ICE1: variants seen among roughly 807,000 people sequenced by gnomAD.
The protein encoded by ICE1 is little elongation complex subunit 1.
Under a neutral mutation model 192.7 loss-of-function variants are expected in ICE1, and 64 were observed. The ratio of observed to expected loss-of-function variants is 0.33; its 90% CI spans 0.27 to 0.41. The LOEUF is 0.41. Ranked by LOEUF, ICE1 falls within the 10% of genes least tolerant of loss-of-function variation. ICE1 has a pLI of 1.00. For synonymous variants in ICE1, 1,010 were observed against 984.5 expected, an observed-to-expected ratio of 1.03 and a Z score of -0.49; for missense variants, 2,708 against 2,696.0, an observed-to-expected ratio of 1.00 and a Z score of -0.10.
At chr5:5,452,653 A>C (rs1738458218) in intron 10 of ICE1, among the ~76,000 whole-genome samples, 1 of 152,122 alleles carries the variant, frequency 6.6e-6, no homozygotes, top group South Asian at 2.1e-4. Context: ...ATGGAAGAGC[A>C]CAAGCAGATG....
At chr5:5,454,460 C>A in intron 10 of ICE1, 92 bp from the exon 11 acceptor site, 1 of 776,254 alleles carries the variant, frequency 1.3e-6, no homozygotes. Context: ...TTTTCTAAGT[C>A]CCTAATAAAC....
At chr5:5,458,706 T>G (rs1738658629) in intron 12 of ICE1, among the ~76,000 whole-genome samples, 1 of 152,106 alleles carries the variant, frequency 6.6e-6, no homozygotes, top group South Asian at 2.1e-4. Context: ...GAGTTCCTAC[T>G]TTATCCTGAA....
At position 5,489,240 on chromosome 5, in the gene ICE1, T is replaced by A. The variant is rs2111411269; in HGVS notation, c.6711T>A (p.Ala2237=). The A allele has an allele frequency of 6.2e-7, 1 of 1,613,978 alleles. No homozygotes were observed. The highest frequency in any genetic ancestry group is 2.2e-5 in the East Asian group (1 of 44,882). ...NPAEISKILE[A]WRREASKSVP... is the part of the protein sequence containing the mutation. ...CAGAAATTTCCAAGATCCTGGAAGC[T>A]TGGCGGAGAGAGGCCTCCAAAAGCG... is the stretch of plus-strand genomic sequence containing the variant. The change falls in exon 19 of 19, where the codon GCT becomes GCA. Residue 2237 remains alanine, a synonymous_variant. Transcript: ENST00000296564.
In ICE1 at chr5:5,489,426, A is replaced by G; in HGVS notation, c.*96A>G. On this transcript the variant is annotated 3_prime_UTR_variant, in exon 19 of 19. Coordinates refer to ENST00000296564, the MANE Select transcript of ICE1 (RefSeq NM_015325.3). ...GAATACAAAGGGAGGTTTCAAAACA[A>G]AAAGACATAAAATAGATAAAACAGA... 5 of 1,101,198 alleles carry G rather than the reference A, an allele frequency of 4.5e-6. No homozygotes were observed. The highest frequency in any genetic ancestry group is 6.3e-6 in the Non-Finnish European group (5 of 787,720). The allele number at this position is 1,101,198 out of a possible 1,614,324, so 68.2% of individuals were successfully genotyped here. A position where few individuals can be genotyped will look rare whatever the true frequency, so the allele number is the denominator to read the frequency against.
rs1392723427 is a variant in ICE1 at position 5,464,923 on chromosome 5, T to A, written c.5589T>A (p.Thr1863=). The A allele has an allele frequency of 1.2e-6, 2 of 1,613,556 alleles. No homozygotes were observed. The highest frequency in any genetic ancestry group is 1.7e-6 in the Non-Finnish European group (2 of 1,179,706). ...GSPEPETRGV[T]AEGIHKNLPG... is the part of the protein sequence containing the mutation. ...CAGAACCAGAAACCAGGGGAGTCAC[T>A]GCAGAAGGAATCCACAAAAACCTCC... The change falls in exon 13 of 19, where the codon ACT becomes ACA. Residue 1863 remains threonine (T), a synonymous_variant. Transcript: ENST00000296564. This position sits in a 1 kb window ranked among gnomAD's most constrained non-coding sequence, Gnocchi z 4.0.
At position 5,460,647 on chromosome 5, in the gene ICE1, C is replaced by T; in HGVS notation, c.1313C>T (p.Thr438Ile). 4.3e-6 allele frequency: 7 copies of T among 1,613,844 alleles called. No homozygotes were observed. The highest frequency in any genetic ancestry group is 5.9e-6 in the Non-Finnish European group (7 of 1,179,838). ...ALNTWEVNKV[T>I]TSGLETFTAT... is the part of the protein sequence containing the mutation. ...AATACATGGGAAGTAAATAAAGTGA[C>T]AACTTCTGGACTCGAGACTTTCACA... The change falls in exon 13 of 19, where the codon ACA becomes ATA. Residue 438 changes from threonine to isoleucine, a missense_variant. Coordinates refer to ENST00000296564, the MANE Select transcript of ICE1 (RefSeq NM_015325.3).
At chr5:5,471,860 TTCC>T (rs897812917) in intron 15 of ICE1, among the ~76,000 whole-genome samples, 3 of 152,172 alleles carry the variant, frequency 2.0e-5, no homozygotes, top group Non-Finnish European at 4.4e-5. Flanking sequence ...TTCAAGGTGG[TTCC>T]TCCTCCAACT....
At chr5:5,426,447 CAAA>C (rs569904155) in intron 1 of ICE1, among the ~76,000 whole-genome samples, 6 of 69,092 alleles carry the variant, frequency 8.7e-5, no homozygotes, top group Admixed American at 1.7e-4. Context: ...GACTCCGTCT[CAAA>C]AAAAAAAAAA....
At chr5:5,465,668 T>C (rs1738963007) in intron 13 of ICE1, among the ~76,000 whole-genome samples, 1 of 152,200 alleles carries the variant, frequency 6.6e-6, no homozygotes, top group Non-Finnish European at 1.5e-5. Context: ...ATTAGGACTT[T>C]TATAGTTCTA....
At chr5:5,479,923 CTG>C in intron 17 of ICE1, among the ~76,000 whole-genome samples, 1 of 152,014 alleles carries the variant, frequency 6.6e-6, no homozygotes, top group Middle Eastern at 3.4e-3. Flanking sequence ...ACATCACACA[CTG>C]GGGCCTGTCG....
chr5:5,422,853 A>G lies in ICE1; in HGVS notation c.-63A>G. On this transcript the variant is annotated 5_prime_UTR_variant, in exon 1 of 19. Coordinates refer to ENST00000296564, the MANE Select transcript of ICE1 (RefSeq NM_015325.3). ...CGGCCCCGGCGGCATCAGCAGAGAC[A>G]GGACGGGGCCGACGCCGCGGGCCCC... The G allele has an allele frequency of 8.5e-7, 1 of 1,180,364 alleles. No individual in the cohort carries two copies. The highest frequency in any genetic ancestry group is 1.1e-6 in the Non-Finnish European group (1 of 936,732). 73.1% of individuals were successfully genotyped at this position (1,180,364 alleles called of 1,614,324 possible).
rs770323070 is a variant in ICE1 at position 5,463,268 on chromosome 5, T to C, written c.3934T>C (p.Ser1312Pro). ...KSPFRETTGSSSHASEPTPQA... is the reference protein window; with the variant it reads ...KSPFRETTGSPSHASEPTPQA... Reference sequence around the variant, plus strand: ...TCCATTTCGGGAAACGACTGGCTCCTCATCACATGCTTCAGAACCAACCCC... The same window carrying C: ...TCCATTTCGGGAAACGACTGGCTCCCCATCACATGCTTCAGAACCAACCCC... Residue 1312 changes from serine (S) to proline (P), a missense_variant, in exon 13 of 19, where the codon TCA becomes CCA. Ser to Pro is a moderately conservative substitution (Grantham distance 74, BLOSUM62 -1). This residue lies in a region of ICE1 where 2,366 missense variants were observed against 2,276.6 expected (regional missense o/e 1.04). Transcript: ENST00000296564. The C allele has an allele frequency of 3.7e-6, 6 of 1,613,340 alleles. No individual in the cohort carries two copies. In the South Asian group the frequency reaches 6.6e-5, roughly 18 times the overall value.
In ICE1 at chr5:5,461,783, CA is replaced by C; in HGVS notation, c.2450del (p.His817LeufsTer29). 1 of 1,613,876 alleles carries C rather than the reference CA, an allele frequency of 6.2e-7. No homozygotes were observed. Among genetic ancestry groups the C allele is most frequent in the Non-Finnish European group, 8.5e-7 (1 of 1,179,840 alleles). ...ATCAGAACATGAACAGAAGACTAGC[CA>C]TCAGTTACAAAAGGCAATGCCATTC... ...AKSEHEQKTS[H>X]QLQKAMPFLQ... On this transcript the variant is annotated frameshift_variant, in exon 13 of 19. Coordinates refer to ENST00000296564, the MANE Select transcript of ICE1 (RefSeq NM_015325.3). LOFTEE classifies it high-confidence loss of function.
Position 5,463,838 on chromosome 5 carries a change from A to G in ICE1, c.4504A>G (p.Ser1502Gly). The change falls in exon 13 of 19, where the codon AGC becomes GGC. Residue 1502 changes from serine (S) to glycine (G), a missense_variant. Coordinates refer to ENST00000296564, the MANE Select transcript of ICE1 (RefSeq NM_015325.3). ...PQEDVSSSGQ[S>G]TNFDKSRLRN... ...AGAGGATGTTTCAAGCAGTGGTCAG[A>G]GCACCAACTTTGATAAGAGTCGTTT... The G allele has an allele frequency of 1.9e-6, 3 of 1,613,996 alleles. No homozygotes were observed. Among genetic ancestry groups the G allele is most frequent in the Non-Finnish European group, 2.5e-6 (3 of 1,179,874 alleles).
rs1738919108 is a variant in ICE1, at chr5:5,464,522, C to T, written c.5188C>T (p.Arg1730Ter). The T allele has an allele frequency of 1.9e-6, 3 of 1,613,898 alleles. No homozygotes were observed. Among genetic ancestry groups the T allele is most frequent in the Non-Finnish European group, 2.5e-6 (3 of 1,179,870 alleles). The change falls in exon 13 of 19, where the codon CGA (arginine) becomes TGA (stop). Residue 1730 changes from arginine (R) to a stop codon, truncating the protein, a stop_gained. Coordinates refer to ENST00000296564, the MANE Select transcript of ICE1 (RefSeq NM_015325.3). LOFTEE classifies it high-confidence loss of function. This position sits in a 1 kb window ranked among gnomAD's most constrained non-coding sequence, Gnocchi z 4.0. ...GAAGCACGCACTTCCTGTGCCTGGCCGACTCCCACCCTGTGCATCTGGCCA... is the reference window on the plus strand; with the variant it reads ...GAAGCACGCACTTCCTGTGCCTGGCTGACTCCCACCCTGTGCATCTGGCCA... ...TPKHALPVPG[R>*]LPPCASGHAA... is the part of the protein sequence containing the mutation.
rs1737428174 is a variant in ICE1, at chr5:5,423,877, G to A, written c.84+878G>A. Among the ~76,000 whole-genome samples the A allele has an allele frequency of 2.0e-5, 3 of 152,356 alleles. No individual in the cohort carries two copies. In the South Asian group the frequency reaches 6.2e-4, roughly 32 times the overall value. On this transcript the variant is annotated intron_variant, in intron 1 of 18. Transcript: ENST00000296564. ...AAATAGGATCTCTCATAAGTAAGAT[G>A]CATATGTGTGAATAAGGCCTCAGAA... is the stretch of plus-strand genomic sequence containing the variant.
intron 14 of ICE1, among the ~76,000 whole-genome samples, chr5:5,467,418 A>C (rs765295469): frequency 5.9e-5 from 9 of 152,180 alleles, no homozygotes; most frequent in Non-Finnish European, 8.8e-5. Context: ...CTTCTTCCTC[A>C]ACCACAGCAA....
intron 10 of ICE1, 36 bp downstream of exon 10, chr5:5,447,933 A>T: frequency 6.7e-7 from 1 of 1,489,774 alleles, no homozygotes; most frequent in Non-Finnish European, 9.2e-7. Flanking sequence ...AATGTTGTGT[A>T]TTGCTCTTAG....
chr5:5,442,360 G>A (rs1319140748), intron 5 of ICE1, among the ~76,000 whole-genome samples: 5 of 152,246 alleles, frequency 3.3e-5, no homozygotes, highest in Admixed American at 1.3e-4. Context: ...GAGGTCTTAC[G>A]TGCTTTAATA....
Sources: allele counts gnomAD v4.1 joint callset (sites outside exome capture counted in the v4.1 genomes callset), GRCh38; gene constraint gnomAD v4.1.1; regional missense constraint gnomAD v4.1.1; non-coding constraint Gnocchi (gnomAD v3.1); transcripts MANE v1.5; gene names NCBI Gene and HGNC (gene_info 2026-07-23, HGNC 2026-07-21).